Variants in ACER3 observed in about 807,000 individuals in gnomAD.
ACER3 encodes the protein alkaline ceramidase 3.
Under a neutral mutation model 48.9 loss-of-function variants are expected in ACER3, and 16 were observed. That is an observed-to-expected ratio of 0.33 (90% CI 0.22 to 0.50). The LOEUF (loss-of-function observed/expected upper bound fraction) is 0.50, where lower values mean the gene tolerates loss of function less well. ACER3 is among the 20% of genes least tolerant of loss of function. ACER3 has a pLI of 0.98. For missense variants in ACER3, 227 were observed against 326.0 expected, an observed-to-expected ratio of 0.70 and a Z score of 2.34; for synonymous variants, 109 against 107.8, an observed-to-expected ratio of 1.01 and a Z score of -0.07.
At chr11:76,933,119 C>G (rs1456340757) in intron 2 of ACER3, among the ~76,000 whole-genome samples, 2 of 149,422 alleles carry the variant, frequency 1.3e-5, no homozygotes, top group Non-Finnish European at 3.0e-5. Flanking sequence ...CAAAGAATTA[C>G]AAAACACATC....
chr11:77,016,450 G>C (rs1219451269), intron 8 of ACER3, among the ~76,000 whole-genome samples: 1 of 152,076 alleles, frequency 6.6e-6, no homozygotes. Flanking sequence ...ATGAGAGAGA[G>C]AAGTGGCTGA....
chr11:76,978,100 C>G (rs1385035649), intron 4 of ACER3, among the ~76,000 whole-genome samples: 1 of 152,194 alleles, frequency 6.6e-6, no homozygotes, highest in Non-Finnish European at 1.5e-5. Context: ...GCAGGCACCC[C>G]TCGGCAAGAA....
intron 7 of ACER3, among the ~76,000 whole-genome samples, chr11:77,011,154 TAGAG>T (rs1378606205): frequency 3.3e-5 from 5 of 152,170 alleles, no homozygotes; most frequent in African/African-American, 9.7e-5. Context: ...AGCAGTGTGA[TAGAG>T]AGAGATACAG....
intron 1 of ACER3, among the ~76,000 whole-genome samples, chr11:76,865,658 A>C (rs935714205): frequency 6.0e-5 from 9 of 150,068 alleles, no homozygotes; most frequent in Non-Finnish European, 1.3e-4. Context: ...ACAGGAGTGC[A>C]CCACCATGCC....
chr11:76,947,975 C>T (rs886349753), intron 2 of ACER3, among the ~76,000 whole-genome samples: 6 of 152,118 alleles, frequency 3.9e-5, no homozygotes, highest in African/African-American at 4.8e-5. Context: ...TGGCCAGGTA[C>T]GTAGCTTGGT....
Position 76,952,135 on chromosome 11 carries a change from TATATACAC to T in ACER3, c.215-6842_215-6835del, listed in dbSNP as rs1325095335. Among the ~76,000 whole-genome samples the T allele has an allele frequency of 1.0e-3, 144 of 143,612 alleles. 1 individual carries two copies. The highest frequency in any genetic ancestry group is 1.7e-3 in the East Asian group (7 of 4,180). The allele number at this position is 143,612 out of a possible 152,430, so 94.2% of individuals were successfully genotyped here. The stretch of plus-strand genomic sequence containing the variant: ...ATGTTCAGAAAAAATATTATATATA[TATATACAC>T]ACACACACACACACACACACACACA... On this transcript the variant is annotated intron_variant, in intron 2 of 10. Coordinates refer to ENST00000532485, the MANE Select transcript of ACER3 (RefSeq NM_018367.7).
At chr11:76,962,145 G>A (rs752841558) in intron 3 of ACER3, among the ~76,000 whole-genome samples, 2 of 150,522 alleles carry the variant, frequency 1.3e-5, no homozygotes, top group South Asian at 2.1e-4. Flanking sequence ...TGCCTCCCAG[G>A]TTCAAGTGAT....
chr11:76,902,365 C>G (rs1232745305), intron 1 of ACER3, among the ~76,000 whole-genome samples: 1 of 152,102 alleles, frequency 6.6e-6, no homozygotes, highest in East Asian at 1.9e-4. Flanking sequence ...CAATCCTGGA[C>G]CCACATAAAA....
At chr11:77,006,989 G>A (rs1385032874) in intron 7 of ACER3, among the ~76,000 whole-genome samples, 2 of 151,896 alleles carry the variant, frequency 1.3e-5, no homozygotes, top group East Asian at 1.9e-4. Flanking sequence ...ATATATACCT[G>A]TAGTCCCAGC....
chr11:76,925,355 A>G (rs904510536), intron 1 of ACER3, among the ~76,000 whole-genome samples: 2 of 152,140 alleles, frequency 1.3e-5, no homozygotes, highest in African/African-American at 4.8e-5. Context: ...ATTCATTGCA[A>G]TATTGCTTGT....
intron 1 of ACER3, among the ~76,000 whole-genome samples, chr11:76,913,996 A>G (rs1209964092): frequency 6.6e-6 from 1 of 152,240 alleles, no homozygotes; most frequent in Non-Finnish European, 1.5e-5. Context: ...GGCTAGCCAT[A>G]TGTAGAAAGC....
At chr11:76,873,264 C>T (rs1945291357) in intron 1 of ACER3, among the ~76,000 whole-genome samples, 1 of 152,102 alleles carries the variant, frequency 6.6e-6, no homozygotes. Context: ...CTGGAGACTA[C>T]ACTTGGAGAA....
At chr11:76,938,204 G>C (rs1343523588) in intron 2 of ACER3, among the ~76,000 whole-genome samples, 1 of 152,090 alleles carries the variant, frequency 6.6e-6, no homozygotes, top group Non-Finnish European at 1.5e-5. Context: ...TTGTAGAGAT[G>C]GGGTTTCACC....
rs1306385702 is a variant in ACER3, at chr11:77,021,639, T to C, written c.*1312T>C. On this transcript the variant is annotated 3_prime_UTR_variant, in exon 11 of 11. Transcript: ENST00000532485. ...ATTATTGTAAAATCCAGATTGTTTT[T>C]ACCACATGATGACGTGACTCAGGAT... 3 of 152,212 alleles carry C rather than the reference T, an allele frequency of 2.0e-5. No individual in the cohort carries two copies. Among genetic ancestry groups the C allele is most frequent in the Non-Finnish European group, 2.9e-5 (2 of 68,028 alleles). 9.4% of individuals were successfully genotyped at this position (152,212 alleles called of 1,614,324 possible).
chr11:76,962,698 A>G (rs1046518377), intron 3 of ACER3, among the ~76,000 whole-genome samples: 2 of 151,462 alleles, frequency 1.3e-5, no homozygotes, highest in African/African-American at 2.5e-5. Context: ...ATGAAAGTAA[A>G]GAAATTTATT....
intron 1 of ACER3, among the ~76,000 whole-genome samples, chr11:76,924,328 T>C (rs1389024800): frequency 2.6e-5 from 4 of 152,184 alleles, no homozygotes; most frequent in Non-Finnish European, 5.9e-5. Context: ...AACAGAAGTC[T>C]GACAATAACT....
intron 2 of ACER3, among the ~76,000 whole-genome samples, chr11:76,938,128 C>A (rs10899326): frequency 2.0e-5 from 3 of 152,030 alleles, no homozygotes; most frequent in African/African-American, 7.2e-5. Flanking sequence ...ATCCTCCCAC[C>A]TTGGTCTTCC....
intron 5 of ACER3, among the ~76,000 whole-genome samples, chr11:76,990,068 T>A (rs1313762411): frequency 2.0e-5 from 3 of 152,222 alleles, no homozygotes; most frequent in African/African-American, 7.2e-5. Flanking sequence ...CTCATCACTA[T>A]TATTGTTCAT....
chr11:76,861,171 A>AAGGG, intron 1 of ACER3, 92 bp downstream of exon 1: 2 of 1,273,798 alleles, frequency 1.6e-6, no homozygotes, highest in Non-Finnish European at 2.2e-6. Flanking sequence ...CCTGGCCGCG[A>AAGGG]AGGGAGGTGC....
Sources: allele counts gnomAD v4.1 joint callset (sites outside exome capture counted in the v4.1 genomes callset), GRCh38; gene constraint gnomAD v4.1.1; transcripts MANE v1.5; gene names NCBI Gene and HGNC (gene_info 2026-07-23, HGNC 2026-07-21).